Variants in CHODL observed in about 807,000 individuals in gnomAD.
CHODL encodes the protein chondrolectin, also known as transmembrane protein MT75.
CHODL carries 29 observed loss-of-function variants against 34.5 expected under a neutral mutation model. That is an observed-to-expected ratio of 0.84 (90% confidence interval 0.63 to 1.15). The LOEUF (loss-of-function observed/expected upper bound fraction) is 1.15. Among genes scored for constraint, CHODL ranks in the 50% most tolerant of loss-of-function variants. The probability of loss-of-function intolerance (pLI) is 0.00; values close to 1 mark genes in which losing one functional copy is unlikely to be tolerated. For missense variants in CHODL, 332 were observed against 332.5 expected (o/e 1.00, Z 0.01); for synonymous variants, 125 against 116.1 (o/e 1.08, Z -0.49).
chr21:18,195,350 A>T (rs1043656165), intron 2 of CHODL, among the ~76,000 whole-genome samples: 5 of 152,186 alleles, frequency 3.3e-5, no homozygotes, highest in Admixed American at 6.5e-5. Context: ...CACCGCACCC[A>T]GCCCAATGCA....
At chr21:18,021,702 T>C (rs2064128903) in intron 1 of CHODL, among the ~76,000 whole-genome samples, 1 of 152,172 alleles carries the variant, frequency 6.6e-6, no homozygotes, top group Middle Eastern at 3.2e-3. Flanking sequence ...TTAAAAATGT[T>C]TAGATGTTGT....
chr21:18,239,722 TTA>T (rs1414670446), intron 2 of CHODL, among the ~76,000 whole-genome samples: 1 of 152,094 alleles, frequency 6.6e-6, no homozygotes, highest in African/African-American at 2.4e-5. Flanking sequence ...CTTAGTTGGA[TTA>T]TCTTTTACTC....
intron 2 of CHODL, among the ~76,000 whole-genome samples, chr21:18,162,829 T>TA (rs1431181560): frequency 3.9e-5 from 6 of 152,194 alleles, no homozygotes; most frequent in South Asian, 2.1e-4. Flanking sequence ...CTTTTCAAGA[T>TA]AGAGTCTCAC....
At chr21:18,166,362 G>T (rs1167836143) in intron 2 of CHODL, among the ~76,000 whole-genome samples, 2 of 152,140 alleles carry the variant, frequency 1.3e-5, no homozygotes, top group Non-Finnish European at 2.9e-5. Context: ...AAAATCAACT[G>T]ACTAGTAACC....
chr21:18,084,305 C>G (rs1006408184), intron 2 of CHODL, among the ~76,000 whole-genome samples: 1 of 151,868 alleles, frequency 6.6e-6, no homozygotes, highest in Non-Finnish European at 1.5e-5. Context: ...TTTTTCCCTT[C>G]AAACTATAGG....
chr21:18,158,599 A>G (rs768882725), intron 2 of CHODL, among the ~76,000 whole-genome samples: 2 of 152,176 alleles, frequency 1.3e-5, no homozygotes, highest in Non-Finnish European at 2.9e-5. Flanking sequence ...GCACTTTGGG[A>G]GGCCGAGGCG....
At chr21:18,077,807 T>TA (rs2064884649) in intron 2 of CHODL, among the ~76,000 whole-genome samples, 1 of 152,174 alleles carries the variant, frequency 6.6e-6, no homozygotes, top group Non-Finnish European at 1.5e-5. Context: ...TCTAAGCCAC[T>TA]AAGTCTATGA....
intron 2 of CHODL, among the ~76,000 whole-genome samples, chr21:18,119,749 T>C (rs188450468): frequency 6.6e-6 from 1 of 152,168 alleles, no homozygotes; most frequent in Admixed American, 6.5e-5. Flanking sequence ...TGGAAATAAA[T>C]AGAAATTTAT....
intron 1 of CHODL, among the ~76,000 whole-genome samples, chr21:18,249,119 T>G (rs2074203697): frequency 1.5e-5 from 2 of 132,366 alleles, no homozygotes; most frequent in Admixed American, 1.8e-4. Context: ...ATATATATAA[T>G]AAAATACATA....
rs770279821 is a variant in CHODL at position 18,216,493 on chromosome 21, TC to T, written c.-44-40015del. ...ATTCTACTCTCTACTTCTAGGAGAT[TC>T]ATTTTTTTAGCTTCCAAATGTGAGT... On this transcript the variant is annotated intron_variant, in intron 2 of 6. Coordinates refer to the CHODL transcript ENST00000400127. Among the ~76,000 whole-genome samples the T allele has an allele frequency of 3.9e-5, 6 of 152,172 alleles. No homozygotes were observed. In the East Asian group the frequency reaches 5.8e-4, roughly 15 times the overall value.
intron 2 of CHODL, among the ~76,000 whole-genome samples, chr21:18,177,912 T>C (rs2073336467): frequency 6.6e-6 from 1 of 152,178 alleles, no homozygotes; most frequent in African/African-American, 2.4e-5. Context: ...TTTGTTAATC[T>C]TTGAGAAAGC....
chr21:18,192,581 C>T (rs2073524044), intron 2 of CHODL, among the ~76,000 whole-genome samples: 1 of 152,088 alleles, frequency 6.6e-6, no homozygotes, highest in Admixed American at 6.5e-5. Context: ...CATAGGTTTA[C>T]TAGTGCTATA....
At chr21:18,200,463 C>T (rs902677909) in intron 2 of CHODL, among the ~76,000 whole-genome samples, 7 of 152,008 alleles carry the variant, frequency 4.6e-5, no homozygotes, top group African/African-American at 1.2e-4. Flanking sequence ...CTTTTTATCC[C>T]GTTAGAAATA....
intron 1 of CHODL, among the ~76,000 whole-genome samples, chr21:17,989,696 A>G (rs1301343596): frequency 1.3e-5 from 2 of 152,162 alleles, no homozygotes; most frequent in Non-Finnish European, 2.9e-5. Context: ...GGACCTTTTC[A>G]GCTAATGATG....
At chr21:18,147,636 C>T (rs1235970022) in intron 2 of CHODL, among the ~76,000 whole-genome samples, 3 of 152,118 alleles carry the variant, frequency 2.0e-5, no homozygotes, top group Non-Finnish European at 4.4e-5. Flanking sequence ...CTGCAAAGGG[C>T]CAGGTAGCAA....
chr21:18,219,529 A>G (rs921964991), intron 2 of CHODL, among the ~76,000 whole-genome samples: 2 of 152,076 alleles, frequency 1.3e-5, no homozygotes, highest in African/African-American at 2.4e-5. Flanking sequence ...GGCTATACAA[A>G]TTTACATTCT....
chr21:18,204,131 T>C (rs2073686270), intron 2 of CHODL, among the ~76,000 whole-genome samples: 2 of 152,150 alleles, frequency 1.3e-5, no homozygotes, highest in South Asian at 4.1e-4. Context: ...TTAAAGTCTA[T>C]TGTTATACAT....
At chr21:18,203,932 C>T (rs1307575615) in intron 2 of CHODL, among the ~76,000 whole-genome samples, 1 of 152,068 alleles carries the variant, frequency 6.6e-6, no homozygotes, top group Non-Finnish European at 1.5e-5. Context: ...GTGATTCCCT[C>T]AAGGAAAAAT....
chr21:17,958,840 C>G (rs1313880331), intron 1 of CHODL, among the ~76,000 whole-genome samples: 2 of 152,070 alleles, frequency 1.3e-5, no homozygotes, highest in South Asian at 4.2e-4. Context: ...TCAATGCAAA[C>G]TTGATGGCCC....
Sources: allele counts gnomAD v4.1 joint callset (sites outside exome capture counted in the v4.1 genomes callset), GRCh38; gene constraint gnomAD v4.1.1; transcripts MANE v1.5; gene names NCBI Gene and HGNC (gene_info 2026-07-23, HGNC 2026-07-21).